The following SGK3 variants were observed in gnomAD, a reference collection of about 807,000 sequenced individuals.
SGK3 encodes the protein serum/glucocorticoid regulated kinase family member 3.
Under a neutral mutation model 68.5 loss-of-function variants are expected in SGK3, and 47 were observed. The ratio of observed to expected loss-of-function variants is 0.69; its 90% CI spans 0.54 to 0.87. The LOEUF is 0.87. Ranked by LOEUF, SGK3 falls within the 40% of genes least tolerant of loss-of-function variation. SGK3 has a pLI of 0.00. For missense variants in SGK3, 479 were observed against 575.5 expected, an observed-to-expected ratio of 0.83 and a Z score of 1.72; for synonymous variants, 181 against 189.1, an observed-to-expected ratio of 0.96 and a Z score of 0.35.
intron 1 of SGK3, among the ~76,000 whole-genome samples, chr8:66,779,580 ATATATATATATATATATATAT>A (rs1563622969): frequency 1.2e-4 from 16 of 134,242 alleles, no homozygotes; most frequent in Non-Finnish European, 1.9e-4. Context: ...ATATATATAT[ATATATATATATATATATATAT>A]AAAACACATT....
intron 2 of SGK3, 128 bp downstream of exon 2, chr8:66,793,960 C>T (rs1256771080): frequency 4.0e-6 from 4 of 994,084 alleles, no homozygotes; most frequent in Middle Eastern, 2.9e-4. Flanking sequence ...ACTTCTTTCA[C>T]ATGATCTGTT....
At position 66,748,267 on chromosome 8, in the gene SGK3, A is replaced by T. The variant is rs575121953; in HGVS notation, c.-122+35434A>T. On this transcript the variant is annotated intron_variant, in intron 1 of 16. Transcript: ENST00000521198. Reference sequence around the variant, plus strand: ...GATTTAATTTGGAGATCGTTTTGGTAAATTTAAAAAATACTGCCACTAAAG... The same window carrying T: ...GATTTAATTTGGAGATCGTTTTGGTTAATTTAAAAAATACTGCCACTAAAG... 2.0e-5 allele frequency among the ~76,000 whole-genome samples: 3 copies of T among 152,292 alleles called. No homozygotes were observed. The South Asian group carries it at 6.2e-4, about 32-fold the overall frequency.
chr8:66,783,770 C>A (rs1333554307), intron 1 of SGK3, among the ~76,000 whole-genome samples: 1 of 152,168 alleles, frequency 6.6e-6, no homozygotes, highest in East Asian at 1.9e-4. Flanking sequence ...AAGCAGTCCT[C>A]CCATCTCAGA....
At chr8:66,754,433 G>C (rs1805913083) in intron 1 of SGK3, among the ~76,000 whole-genome samples, 1 of 152,042 alleles carries the variant, frequency 6.6e-6, no homozygotes, top group African/African-American at 2.4e-5. Flanking sequence ...AGTGAGGCTT[G>C]ACCACCAAGA....
intron 1 of SGK3, among the ~76,000 whole-genome samples, chr8:66,725,028 C>T (rs1395007259): frequency 2.6e-5 from 4 of 152,134 alleles, no homozygotes; most frequent in Non-Finnish European, 5.9e-5. Flanking sequence ...AGATCGAGAC[C>T]ATCCTGGCTA....
intron 1 of SGK3, among the ~76,000 whole-genome samples, chr8:66,723,100 TA>T (rs1804849879): frequency 3.7e-5 from 1 of 27,350 alleles, no homozygotes; most frequent in African/African-American, 2.0e-4. Flanking sequence ...CATATATATA[TA>T]TATATATATA....
intron 1 of SGK3, among the ~76,000 whole-genome samples, chr8:66,780,940 C>CATG (rs1806949277): frequency 6.6e-6 from 1 of 152,096 alleles, no homozygotes; most frequent in Non-Finnish European, 1.5e-5. Context: ...CTCTATGAGA[C>CATG]ATGATGGTGA....
chr8:66,773,923 G>A (rs951780802), intron 1 of SGK3, among the ~76,000 whole-genome samples: 8 of 152,224 alleles, frequency 5.3e-5, no homozygotes, highest in Non-Finnish European at 1.2e-4. Context: ...ATGTGTCGGG[G>A]ACTGGTGTAC....
At chr8:66,836,997 C>T (rs765458811) in intron 10 of SGK3, among the ~76,000 whole-genome samples, 1 of 152,068 alleles carries the variant, frequency 6.6e-6, no homozygotes, top group African/African-American at 2.4e-5. Flanking sequence ...GCTGCTATTA[C>T]AATAATTACA....
intron 5 of SGK3, among the ~76,000 whole-genome samples, chr8:66,814,399 G>T (rs892504947): frequency 2.0e-5 from 3 of 152,172 alleles, no homozygotes; most frequent in African/African-American, 7.2e-5. Flanking sequence ...AGAGAAAGGT[G>T]TAGGCATATC....
At chr8:66,773,685 A>G (rs1294995434) in intron 1 of SGK3, among the ~76,000 whole-genome samples, 2 of 152,176 alleles carry the variant, frequency 1.3e-5, no homozygotes, top group African/African-American at 2.4e-5. Context: ...AGCTGACGTG[A>G]TAATGGAGAT....
intron 3 of SGK3, 76 bp from the exon 4 acceptor site, chr8:66,804,299 G>A (rs1401531402): frequency 2.5e-5 from 31 of 1,237,658 alleles, no homozygotes; most frequent in Non-Finnish European, 3.2e-5. Flanking sequence ...AAATAAGATT[G>A]TATTTGGCTT....
At chr8:66,809,856 G>C (rs1192458298) in intron 4 of SGK3, among the ~76,000 whole-genome samples, 3 of 152,202 alleles carry the variant, frequency 2.0e-5, no homozygotes, top group African/African-American at 7.2e-5. Flanking sequence ...TCACTCATAT[G>C]GTTTTTGGTA....
At chr8:66,720,621 T>C (rs1483080578) in intron 1 of SGK3, among the ~76,000 whole-genome samples, 1 of 147,198 alleles carries the variant, frequency 6.8e-6, no homozygotes, top group South Asian at 2.1e-4. Context: ...AATATAAAAA[T>C]TAGCTGGACA....
intron 1 of SGK3, among the ~76,000 whole-genome samples, chr8:66,713,128 G>A (rs1363098094): frequency 2.6e-5 from 4 of 152,228 alleles, no homozygotes; most frequent in African/African-American, 4.8e-5. Flanking sequence ...CGAGCAGGGA[G>A]ACCCTATCTG....
At chr8:66,837,617 C>A (rs2130713463) in intron 10 of SGK3, among the ~76,000 whole-genome samples, 1 of 151,690 alleles carries the variant, frequency 6.6e-6, no homozygotes, top group South Asian at 2.1e-4. Flanking sequence ...CCCATCTCTA[C>A]AAAAAAAATA....
chr8:66,806,898 G>T (rs1808192381), intron 4 of SGK3, among the ~76,000 whole-genome samples: 1 of 151,992 alleles, frequency 6.6e-6, no homozygotes, highest in Non-Finnish European at 1.5e-5. Context: ...CTGCTTTATT[G>T]GTATAACAGT....
intron 1 of SGK3, among the ~76,000 whole-genome samples, chr8:66,789,409 C>A (rs781187838): frequency 1.3e-5 from 2 of 152,202 alleles, no homozygotes; most frequent in Admixed American, 6.5e-5. Context: ...TTCTTCATGG[C>A]CTTTTCTCCC....
chr8:66,723,105 ATATATATATATATATATATATATATATTT>A (rs1220619063), intron 1 of SGK3, among the ~76,000 whole-genome samples: 3 of 35,696 alleles, frequency 8.4e-5, no homozygotes, highest in Non-Finnish European at 1.6e-4. Flanking sequence ...ATATATATAT[ATATATATATATATATATATATATATATTT>A]TTTTTTTTTT....
Sources: gnomAD v4.1 joint callset for allele counts (sites outside exome capture counted in the v4.1 genomes callset) on GRCh38, gnomAD v4.1.1 for gene constraint, MANE v1.5 for transcripts, NCBI Gene and HGNC (gene_info 2026-07-23, HGNC 2026-07-21) for gene names.